The following CSMD3 variants were observed in gnomAD, a reference collection of about 807,000 sequenced individuals.
CSMD3 encodes the protein CUB and sushi domain-containing protein 3.
CSMD3 carries 177 observed loss-of-function variants against 435.2 expected under a neutral mutation model. The observed-to-expected ratio is 0.41, with a 90% CI of 0.36 to 0.46. CSMD3 has a LOEUF of 0.46. CSMD3 is among the 20% of genes least tolerant of loss of function. The pLI, the probability that CSMD3 is intolerant of heterozygous loss-of-function variation, is 0.34. For missense variants in CSMD3, 4,265 were observed against 4,504.6 expected (o/e 0.95, Z 1.52); for synonymous variants, 1,656 against 1,520.5 (o/e 1.09, Z -2.07).
At chr8:112,999,503 T>A (rs1032681234) in intron 6 of CSMD3, among the ~76,000 whole-genome samples, 1 of 151,866 alleles carries the variant, frequency 6.6e-6, no homozygotes, top group African/African-American at 2.4e-5. Flanking sequence ...TGCAACAAGC[T>A]TTTTACTCAG....
chr8:112,543,152 G>C (rs1341616625), intron 27 of CSMD3, among the ~76,000 whole-genome samples: 1 of 151,760 alleles, frequency 6.6e-6, no homozygotes, highest in Non-Finnish European at 1.5e-5. Context: ...ACTTCCAGAA[G>C]GAAATAAAAA....
intron 32 of CSMD3, among the ~76,000 whole-genome samples, chr8:112,434,323 C>T (rs2045034): frequency 0.19 from 28,241 of 152,054 alleles, 3,216 homozygotes; most frequent in Middle Eastern, 0.36. Context: ...ATACAATTTA[C>T]GAGGCAGAGT....
At chr8:112,745,993 C>T (rs2077417310) in intron 13 of CSMD3, among the ~76,000 whole-genome samples, 1 of 152,022 alleles carries the variant, frequency 6.6e-6, no homozygotes, top group Non-Finnish European at 1.5e-5. Flanking sequence ...GTGTTATGAT[C>T]AAACGGCAGT....
intron 67 of CSMD3, among the ~76,000 whole-genome samples, chr8:112,236,718 T>C (rs1813627644): frequency 6.6e-6 from 1 of 152,138 alleles, no homozygotes; most frequent in Non-Finnish European, 1.5e-5. Context: ...CTTAAGAAGA[T>C]TGACCAGGTT....
chr8:113,284,596 A>G (rs1588440543), intron 2 of CSMD3, among the ~76,000 whole-genome samples: 1 of 152,296 alleles, frequency 6.6e-6, no homozygotes, highest in African/African-American at 2.4e-5. Flanking sequence ...ATTTTAAGGT[A>G]AAGCTAATAT....
chr8:112,941,707 T>C (rs904453521), intron 9 of CSMD3, among the ~76,000 whole-genome samples: 7 of 151,772 alleles, frequency 4.6e-5, no homozygotes, highest in African/African-American at 1.7e-4. Context: ...TAAAATAACA[T>C]GTGTATATGT....
At chr8:113,035,522 G>T (rs895953854) in intron 5 of CSMD3, among the ~76,000 whole-genome samples, 1 of 151,970 alleles carries the variant, frequency 6.6e-6, no homozygotes, top group African/African-American at 2.4e-5. Context: ...AAAGGGCCAT[G>T]AAGCAACTTT....
chr8:112,596,489 T>C (rs2131392344), intron 22 of CSMD3, among the ~76,000 whole-genome samples: 1 of 152,168 alleles, frequency 6.6e-6, no homozygotes, highest in East Asian at 1.9e-4. Context: ...TACCCAGGAA[T>C]TGAACTCAGC....
intron 1 of CSMD3, among the ~76,000 whole-genome samples, chr8:113,350,287 T>C (rs919138122): frequency 6.6e-6 from 1 of 152,102 alleles, no homozygotes; most frequent in African/African-American, 2.4e-5. Context: ...ATTTCTTGCC[T>C]TGCATTAGAT....
intron 47 of CSMD3, among the ~76,000 whole-genome samples, chr8:112,317,365 C>G (rs1822572505): frequency 6.6e-6 from 1 of 151,996 alleles, no homozygotes; most frequent in South Asian, 2.1e-4. Context: ...GAAGCTTGCT[C>G]TCCAAGAGCT....
intron 22 of CSMD3, among the ~76,000 whole-genome samples, chr8:112,609,585 C>G (rs1258802303): frequency 6.6e-6 from 1 of 152,066 alleles, no homozygotes; most frequent in Admixed American, 6.6e-5. Context: ...GTTGGCACAG[C>G]TATATAGAAA....
chr8:112,512,835 C>G (rs1370744882), intron 28 of CSMD3, among the ~76,000 whole-genome samples: 1 of 152,186 alleles, frequency 6.6e-6, no homozygotes, highest in African/African-American at 2.4e-5. Flanking sequence ...CCACTTTCAT[C>G]AGTGATCTTA....
intron 1 of CSMD3, among the ~76,000 whole-genome samples, chr8:113,422,432 C>T (rs1588698141): frequency 6.6e-6 from 1 of 152,122 alleles, no homozygotes; most frequent in East Asian, 1.9e-4. Flanking sequence ...CAAACTTGAC[C>T]TCATTTGTTT....
intron 39 of CSMD3, among the ~76,000 whole-genome samples, chr8:112,351,621 T>A: frequency 6.6e-6 from 1 of 151,986 alleles, no homozygotes; most frequent in East Asian, 1.9e-4. Flanking sequence ...GGTTAAAGAA[T>A]AATTTTAAAA....
chr8:113,403,607 T>C (rs1197860276), intron 1 of CSMD3, among the ~76,000 whole-genome samples: 1 of 151,414 alleles, frequency 6.6e-6, no homozygotes, highest in Non-Finnish European at 1.5e-5. Flanking sequence ...GATTATGAAA[T>C]TCTAAAGGGA....
chr8:113,085,972 T>C (rs1479977357), intron 5 of CSMD3, among the ~76,000 whole-genome samples: 1 of 151,994 alleles, frequency 6.6e-6, no homozygotes, highest in Non-Finnish European at 1.5e-5. Flanking sequence ...GTGCAGTGGC[T>C]CATGCCTGTA....
At chr8:112,411,400 T>A (rs1405812414) in intron 32 of CSMD3, among the ~76,000 whole-genome samples, 1 of 151,898 alleles carries the variant, frequency 6.6e-6, no homozygotes, top group Non-Finnish European at 1.5e-5. Flanking sequence ...AATCTTGCCT[T>A]ATTAAGCAAT....
chr8:112,427,468 G>A (rs899638417), intron 32 of CSMD3, among the ~76,000 whole-genome samples: 2 of 152,080 alleles, frequency 1.3e-5, no homozygotes, highest in African/African-American at 2.4e-5. Flanking sequence ...CTGCCACCAC[G>A]TGAGGAAAGA....
At chr8:112,891,265 C>T (rs973346161) in intron 10 of CSMD3, among the ~76,000 whole-genome samples, 5 of 151,552 alleles carry the variant, frequency 3.3e-5, no homozygotes, top group South Asian at 2.1e-4. Flanking sequence ...GAGCCAGAAC[C>T]GCCTTTGAAT....
Sources: allele counts gnomAD v4.1 joint callset (sites outside exome capture counted in the v4.1 genomes callset), GRCh38; gene constraint gnomAD v4.1.1; transcripts MANE v1.5; gene names NCBI Gene and HGNC (gene_info 2026-07-23, HGNC 2026-07-21).